The following CDC25C variants were observed in gnomAD, a reference collection of about 807,000 sequenced individuals.
CDC25C encodes cell division cycle 25C.
In CDC25C, 48 loss-of-function variants were observed where a neutral mutation model predicts 52.5. The observed-to-expected ratio is 0.91, with a 90% CI of 0.72 to 1.16. The LOEUF (loss-of-function observed/expected upper bound fraction) is 1.16. Ranked by LOEUF, CDC25C falls within the 50% of genes most tolerant of loss-of-function variation. The pLI is 0.00. For missense variants in CDC25C, 510 were observed against 566.1 expected, an observed-to-expected ratio of 0.90 and a Z score of 1.01; for synonymous variants, 187 against 206.5, an observed-to-expected ratio of 0.91 and a Z score of 0.81.
At chr5:138,302,406 T>C (rs1016149553) in intron 7 of CDC25C, among the ~76,000 whole-genome samples, 6 of 151,870 alleles carry the variant, frequency 4.0e-5, no homozygotes, top group African/African-American at 7.3e-5. Context: ...TTGTTTAACA[T>C]TCAAAAACGT....
chr5:138,321,750 CAAAAAAAAAAAAAAAAAA>C (rs531353746), intron 6 of CDC25C, among the ~76,000 whole-genome samples: 1 of 47,172 alleles, frequency 2.1e-5, no homozygotes, highest in Non-Finnish European at 3.2e-5. Context: ...GACTCTGTCT[CAAAAAAAAAAAAAAAAAA>C]AAAAAAAAAA....
chr5:138,327,857 T>G (rs1760016888), intron 4 of CDC25C, among the ~76,000 whole-genome samples: 1 of 151,754 alleles, frequency 6.6e-6, no homozygotes, highest in South Asian at 2.1e-4. Flanking sequence ...GAGCTTATAC[T>G]CTGTACTTTC....
At chr5:138,329,903 G>C (rs1275456410) in intron 2 of CDC25C, among the ~76,000 whole-genome samples, 1 of 151,886 alleles carries the variant, frequency 6.6e-6, no homozygotes, top group Non-Finnish European at 1.5e-5. Flanking sequence ...GCTAATTTTT[G>C]TATTTGTAGT....
At chr5:138,286,801 C>T (rs947034428) in intron 11 of CDC25C, among the ~76,000 whole-genome samples, 171 bp from the exon 12 acceptor site, 1 of 152,130 alleles carries the variant, frequency 6.6e-6, no homozygotes, top group Non-Finnish European at 1.5e-5. Flanking sequence ...GAACGCCTGG[C>T]ATAGAGCTTG....
intron 7 of CDC25C, among the ~76,000 whole-genome samples, chr5:138,307,894 G>A (rs1163521054): frequency 6.6e-6 from 1 of 152,086 alleles, no homozygotes; most frequent in East Asian, 1.9e-4. Context: ...CATGGATCTG[G>A]GTGGGGATAT....
rs753511193 is a variant in CDC25C, at chr5:138,286,034, A to G, written c.1260T>C (p.Phe420=). The G allele has an allele frequency of 6.2e-6, 10 of 1,612,986 alleles. No individual in the cohort carries two copies. The South Asian group carries it at 1.1e-4, about 18-fold the overall frequency. ...YILKGGYRDF[F]PEYMELCEPQ... ...CCCCACCCTTTACCATATATTCTGG[A>G]AAGAAGTCTCTGTAGCCGCCTTTAA... The change falls in exon 13 of 14, where the codon TTT becomes TTC. Residue 420 remains phenylalanine (F), a synonymous_variant. Coordinates refer to ENST00000323760, the MANE Select transcript of CDC25C (RefSeq NM_001790.5).
At chr5:138,334,302 C>T (rs371130643), upstream of CDC25C, among the ~76,000 whole-genome samples, 46 of 152,256 alleles carry the variant, frequency 3.0e-4, no homozygotes, top group East Asian at 8.9e-3. Context: ...ATCACTTGAG[C>T]CCAGGAGTTT....
intron 7 of CDC25C, among the ~76,000 whole-genome samples, chr5:138,292,480 CAAAAAA>C (rs70982703): frequency 9.1e-4 from 58 of 63,526 alleles, no homozygotes; most frequent in African/African-American, 3.5e-3. Context: ...GTTATGTGAC[CAAAAAA>C]AAAAAAAAAA....
chr5:138,307,192 G>A (rs1758074285), intron 7 of CDC25C, among the ~76,000 whole-genome samples: 1 of 151,968 alleles, frequency 6.6e-6, no homozygotes, highest in Non-Finnish European at 1.5e-5. Context: ...TATTCTTATA[G>A]GATGGGCCAT....
Position 138,286,022 on chromosome 5 carries a change from C to G in CDC25C, c.1272G>C (p.Met424Ile). ...GCTCCCCGCATGCCCCACCCTTTAC[C>G]ATATATTCTGGAAAGAAGTCTCTGT... is the stretch of plus-strand genomic sequence containing the variant. ...GGYRDFFPEYMELCEPQSYCP... is the reference protein window; with the variant it reads ...GGYRDFFPEYIELCEPQSYCP... Residue 424 changes from methionine to isoleucine, a missense_variant and splice_region_variant, in exon 13 of 14, where the codon ATG becomes ATC. Transcript: ENST00000323760. The G allele has an allele frequency of 6.2e-7, 1 of 1,609,220 alleles. No individual in the cohort carries two copies. Among genetic ancestry groups the G allele is most frequent in the Non-Finnish European group, 8.5e-7 (1 of 1,175,700 alleles).
intron 7 of CDC25C, among the ~76,000 whole-genome samples, chr5:138,311,007 C>A (rs1237760760): frequency 6.6e-6 from 1 of 152,210 alleles, no homozygotes; most frequent in Non-Finnish European, 1.5e-5. Flanking sequence ...TGGAATGGAA[C>A]ACAGCCAAGA....
intron 2 of CDC25C, among the ~76,000 whole-genome samples, chr5:138,330,305 C>T (rs1372593306): frequency 6.6e-6 from 1 of 151,982 alleles, no homozygotes; most frequent in Non-Finnish European, 1.5e-5. Flanking sequence ...CCTGGGGTCC[C>T]TAGTTTTTCT....
upstream of CDC25C, chr5:138,331,915 TGG>T: frequency 1.0e-6 from 1 of 985,448 alleles, no homozygotes; most frequent in Non-Finnish European, 1.2e-6. Context: ...CAGGGCCTCA[TGG>T]CCTATCGTTG....
upstream of CDC25C, chr5:138,331,860 C>A: frequency 1.0e-6 from 1 of 985,854 alleles, no homozygotes; most frequent in Non-Finnish European, 1.2e-6. Context: ...GTAACCTATC[C>A]CCGCTCGCCT....
Position 138,290,648 on chromosome 5 carries a change from A to G in CDC25C, c.855T>C (p.Asp285=), listed in dbSNP as rs1255957870. ...EDSNQGHLIG[D]FSKVCALPTV... is the part of the protein sequence containing the mutation. ...GTGTAGCCAAACTCACCTTGGAAAA[A>G]TCACCAATCAGGTGCCCCTGGTTAG... The change falls in exon 9 of 14, where the codon GAT becomes GAC. Residue 285 remains aspartate (D), a synonymous_variant. Coordinates refer to ENST00000323760, the MANE Select transcript of CDC25C (RefSeq NM_001790.5). 1 of 1,595,296 alleles carries G rather than the reference A, an allele frequency of 6.3e-7. No individual in the cohort carries two copies.
At chr5:138,331,815 G>C, upstream of CDC25C, 3 of 969,054 alleles carry the variant, frequency 3.1e-6, no homozygotes, top group Middle Eastern at 5.2e-4. Flanking sequence ...ATCAACAGCC[G>C]CAGGCGTTGA....
chr5:138,307,961 A>T (rs1758151985), intron 7 of CDC25C, among the ~76,000 whole-genome samples: 1 of 152,078 alleles, frequency 6.6e-6, no homozygotes, highest in Non-Finnish European at 1.5e-5. Flanking sequence ...AGATTCTCAG[A>T]TTCTCACAAG....
chr5:138,329,709 G>C, intron 2 of CDC25C, 62 bp from the exon 3 acceptor site: 7 of 673,738 alleles, frequency 1.0e-5, no homozygotes, highest in Non-Finnish European at 1.8e-5. Flanking sequence ...AAAAGTCAAA[G>C]ATCATGTCAT....
chr5:138,316,029 G>T (rs1196434990), intron 7 of CDC25C, among the ~76,000 whole-genome samples: 1 of 152,238 alleles, frequency 6.6e-6, no homozygotes, highest in Admixed American at 6.5e-5. Context: ...CTGCCCTCCT[G>T]GGTGGGCTTG....
Sources: gnomAD v4.1 joint callset for allele counts (sites outside exome capture counted in the v4.1 genomes callset) on GRCh38, gnomAD v4.1.1 for gene constraint, MANE v1.5 for transcripts, NCBI Gene and HGNC (gene_info 2026-07-23, HGNC 2026-07-21) for gene names.